ROBO2: variants seen among roughly 807,000 people sequenced by gnomAD.
ROBO2 encodes roundabout guidance receptor 2.
Under a neutral mutation model 160.8 loss-of-function variants are expected in ROBO2, and 53 were observed. The ratio of observed to expected loss-of-function variants is 0.33; its 90% confidence interval spans 0.26 to 0.41. The LOEUF (loss-of-function observed/expected upper bound fraction) is 0.41, where lower values mean the gene tolerates loss of function less well. ROBO2 is among the 10% of genes least tolerant of loss of function. The pLI is 1.00. For synonymous variants in ROBO2, 664 were observed against 611.7 expected (o/e 1.09, Z -1.26); for missense variants, 1,577 against 1,722.4 (o/e 0.92, Z 1.49).
chr3:76,161,121 C>CT (rs1341804541), intron 2 of ROBO2, among the ~76,000 whole-genome samples: 2 of 151,788 alleles, frequency 1.3e-5, no homozygotes, highest in Non-Finnish European at 2.9e-5. Flanking sequence ...AATTCAATTC[C>CT]TTTTTTGGGT....
chr3:76,299,729 G>A (rs1709263080), intron 2 of ROBO2, among the ~76,000 whole-genome samples: 1 of 152,134 alleles, frequency 6.6e-6, no homozygotes, highest in African/African-American at 2.4e-5. Flanking sequence ...TCAGACCAGG[G>A]TGAGAACAGT....
chr3:76,523,973 T>C (rs1232433346), intron 2 of ROBO2, among the ~76,000 whole-genome samples: 1 of 125,808 alleles, frequency 7.9e-6, no homozygotes, highest in Non-Finnish European at 1.9e-5. Flanking sequence ...GAATATGCTG[T>C]GTGTGTGTGT....
At chr3:76,527,273 A>T (rs943620829) in intron 2 of ROBO2, among the ~76,000 whole-genome samples, 11 of 152,164 alleles carry the variant, frequency 7.2e-5, no homozygotes, top group African/African-American at 2.7e-4. Context: ...CTTAAATGGG[A>T]CAAAAGAATA....
intron 2 of ROBO2, among the ~76,000 whole-genome samples, chr3:77,033,302 G>A (rs2063434917): frequency 6.6e-6 from 1 of 152,128 alleles, no homozygotes; most frequent in Non-Finnish European, 1.5e-5. Context: ...GATTAGAGAA[G>A]ACTAATATTT....
At chr3:76,196,121 C>G (rs1702250195) in intron 2 of ROBO2, among the ~76,000 whole-genome samples, 1 of 152,108 alleles carries the variant, frequency 6.6e-6, no homozygotes, top group African/African-American at 2.4e-5. Context: ...CAGGTTACTT[C>G]CCTTTCTTCC....
At chr3:76,035,245 G>C (rs2067068110) in intron 2 of ROBO2, among the ~76,000 whole-genome samples, 1 of 141,106 alleles carries the variant, frequency 7.1e-6, no homozygotes, top group Non-Finnish European at 1.5e-5. Context: ...GCACATATTT[G>C]GTATTTAAGA....
At chr3:76,568,136 GAAC>G (rs1333632368) in intron 2 of ROBO2, among the ~76,000 whole-genome samples, 1 of 151,754 alleles carries the variant, frequency 6.6e-6, no homozygotes, top group Non-Finnish European at 1.5e-5. Context: ...AAAAACATTT[GAAC>G]AATAGGGGTG....
At chr3:76,667,157 G>T (rs888916533) in intron 2 of ROBO2, among the ~76,000 whole-genome samples, 1 of 152,056 alleles carries the variant, frequency 6.6e-6, no homozygotes, top group African/African-American at 2.4e-5. Flanking sequence ...AGAAGTTACA[G>T]GTGAGGGCAG....
chr3:77,369,838 TG>T, intron 2 of ROBO2, among the ~76,000 whole-genome samples: 1 of 152,292 alleles, frequency 6.6e-6, no homozygotes, highest in South Asian at 2.1e-4. Context: ...GGCCTATGTG[TG>T]AATGAAAATA....
chr3:77,468,100 A>C (rs2082972583), intron 2 of ROBO2, among the ~76,000 whole-genome samples: 1 of 152,220 alleles, frequency 6.6e-6, no homozygotes, highest in Non-Finnish European at 1.5e-5. Context: ...CCACGTGAAC[A>C]ATTCTGTGGG....
At chr3:76,081,904 A>C (rs775388320) in intron 2 of ROBO2, among the ~76,000 whole-genome samples, 8 of 152,090 alleles carry the variant, frequency 5.3e-5, no homozygotes, top group Non-Finnish European at 1.2e-4. Context: ...CCCAAGAGCA[A>C]ATACTCAAAT....
At chr3:77,473,568 C>T (rs2153582000) in intron 2 of ROBO2, among the ~76,000 whole-genome samples, 1 of 150,454 alleles carries the variant, frequency 6.6e-6, no homozygotes, top group African/African-American at 2.4e-5. Context: ...ATTCTCCTGC[C>T]TCAGCCTCCC....
Position 77,473,918 on chromosome 3 carries a change from C to T in ROBO2, c.389-3496C>T, listed in dbSNP as rs114528865. Reference sequence around the variant, plus strand: ...GAGGAAGCCTCAAGATCTCTCTGACCTTCCTTCCTCCAAACCCCCATCTCT... The same window carrying T: ...GAGGAAGCCTCAAGATCTCTCTGACTTTCCTTCCTCCAAACCCCCATCTCT... On this transcript the variant is annotated intron_variant, in intron 2 of 25. Coordinates refer to ENST00000461745, the Ensembl canonical transcript of ROBO2. 8.0e-3 allele frequency among the ~76,000 whole-genome samples: 1,225 copies of T among 152,230 alleles called. 24 individuals are homozygous for T. Among genetic ancestry groups the T allele is most frequent in the African/African-American group, 0.028 (1,160 of 41,530 alleles).
intron 21 of ROBO2, among the ~76,000 whole-genome samples, chr3:77,609,007 A>G (rs945567962): frequency 2.0e-5 from 3 of 151,824 alleles, no homozygotes; most frequent in South Asian, 2.1e-4. Context: ...TTTCTATGTC[A>G]TAACATTGGC....
intron 2 of ROBO2, among the ~76,000 whole-genome samples, chr3:76,611,044 C>T (rs1158690061): frequency 9.9e-5 from 15 of 152,036 alleles, no homozygotes; most frequent in Non-Finnish European, 1.9e-4. Flanking sequence ...GGACTTAGAA[C>T]GGTGGAGTGT....
At chr3:75,958,883 T>G (rs1329691679) in intron 2 of ROBO2, among the ~76,000 whole-genome samples, 1 of 151,808 alleles carries the variant, frequency 6.6e-6, no homozygotes, top group Non-Finnish European at 1.5e-5. Context: ...CAACATTTTG[T>G]GATGCTTTTC....
intron 2 of ROBO2, among the ~76,000 whole-genome samples, chr3:76,315,467 A>T (rs2071937164): frequency 6.6e-6 from 1 of 152,202 alleles, no homozygotes; most frequent in Non-Finnish European, 1.5e-5. Flanking sequence ...CAACATTTTA[A>T]TTCATGGTGC....
At chr3:76,696,935 C>T (rs184204314) in intron 2 of ROBO2, among the ~76,000 whole-genome samples, 5 of 152,266 alleles carry the variant, frequency 3.3e-5, no homozygotes, top group Admixed American at 2.0e-4. Flanking sequence ...ATGTGGAAAT[C>T]TCTTTCTGCT....
chr3:75,971,690 A>C (rs2107363252), intron 2 of ROBO2, among the ~76,000 whole-genome samples: 1 of 151,602 alleles, frequency 6.6e-6, no homozygotes, highest in African/African-American at 2.4e-5. Context: ...AAATTTTTCA[A>C]GTTTGGAAAA....
Sources: gnomAD v4.1 joint callset for allele counts (sites outside exome capture counted in the v4.1 genomes callset) on GRCh38, gnomAD v4.1.1 for gene constraint, MANE v1.5 for transcripts, NCBI Gene and HGNC (gene_info 2026-07-23, HGNC 2026-07-21) for gene names.